DNAJC1: variants seen among roughly 807,000 people sequenced by gnomAD.
DNAJC1 encodes the protein dnaJ homolog subfamily C member 1.
In DNAJC1, 58 loss-of-function variants were observed where a neutral mutation model predicts 76.6. That is an observed-to-expected ratio of 0.76 (90% CI 0.61 to 0.94). The LOEUF (loss-of-function observed/expected upper bound fraction) is 0.94, where lower values mean the gene tolerates loss of function less well. Ranked by LOEUF, DNAJC1 falls within the 40% of genes least tolerant of loss-of-function variation. DNAJC1 has a pLI of 0.00. For synonymous variants in DNAJC1, 258 were observed against 267.9 expected (o/e 0.96, Z 0.36); for missense variants, 689 against 677.3 (o/e 1.02, Z -0.19).
At chr10:21,964,897 A>C (rs950868856) in intron 1 of DNAJC1, among the ~76,000 whole-genome samples, 2 of 151,980 alleles carry the variant, frequency 1.3e-5, no homozygotes, top group Admixed American at 6.6e-5. Context: ...ATCAATCTAT[A>C]ATTTCTTTGT....
At chr10:21,830,005 T>C (rs771957938) in intron 8 of DNAJC1, among the ~76,000 whole-genome samples, 3 of 152,220 alleles carry the variant, frequency 2.0e-5, no homozygotes, top group East Asian at 1.9e-4. Flanking sequence ...TAAATCCATA[T>C]CTATCCCCCT....
At chr10:21,965,252 C>T (rs1564840098) in intron 1 of DNAJC1, among the ~76,000 whole-genome samples, 1 of 152,142 alleles carries the variant, frequency 6.6e-6, no homozygotes, top group African/African-American at 2.4e-5. Context: ...TGAGTCTAAT[C>T]TGCTGTCTAG....
At chr10:21,831,213 A>G (rs1337841150) in intron 8 of DNAJC1, among the ~76,000 whole-genome samples, 1 of 152,044 alleles carries the variant, frequency 6.6e-6, no homozygotes, top group Non-Finnish European at 1.5e-5. Flanking sequence ...GTGCCCAGAG[A>G]TTTCAATGGT....
At position 21,772,411 on chromosome 10, in the gene DNAJC1, G is replaced by C. The variant is rs1957526527; in HGVS notation, c.1099-6102C>G. 2.0e-5 allele frequency among the ~76,000 whole-genome samples: 3 copies of C among 150,190 alleles called. No individual in the cohort carries two copies. The South Asian group carries it at 6.3e-4, about 32-fold the overall frequency. On this transcript the variant is annotated intron_variant, in intron 9 of 11. Coordinates refer to ENST00000376980, the MANE Select transcript of DNAJC1 (RefSeq NM_022365.4). Reference sequence around the variant, plus strand: ...AATTCAACCTTTTTACTAATTATAAGTCTATCTATTAAAATGGTCTGTTTC... The same window carrying C: ...AATTCAACCTTTTTACTAATTATAACTCTATCTATTAAAATGGTCTGTTTC...
chr10:21,879,094 A>G (rs1008515404), intron 8 of DNAJC1, among the ~76,000 whole-genome samples: 2 of 152,218 alleles, frequency 1.3e-5, no homozygotes, highest in African/African-American at 4.8e-5. Flanking sequence ...GAATGTCATC[A>G]TCTTTGTGGA....
chr10:21,897,938 C>A (rs549004663), intron 7 of DNAJC1, among the ~76,000 whole-genome samples: 1 of 152,176 alleles, frequency 6.6e-6, no homozygotes, highest in Non-Finnish European at 1.5e-5. Flanking sequence ...TCTGTCCCCA[C>A]GGTCAGATGA....
intron 8 of DNAJC1, among the ~76,000 whole-genome samples, chr10:21,817,965 C>T (rs370004554): frequency 6.6e-6 from 1 of 152,090 alleles, no homozygotes; most frequent in African/African-American, 2.4e-5. Flanking sequence ...GTTAACTGCA[C>T]AAATTGTTTG....
intron 1 of DNAJC1, among the ~76,000 whole-genome samples, chr10:21,961,004 G>A (rs1332151479): frequency 6.6e-6 from 1 of 152,110 alleles, no homozygotes; most frequent in Non-Finnish European, 1.5e-5. Flanking sequence ...TAGCCATTAA[G>A]GAAATGCAAA....
chr10:21,929,300 C>T (rs2131780374), intron 1 of DNAJC1, among the ~76,000 whole-genome samples, 159 bp from the exon 2 acceptor site: 1 of 152,168 alleles, frequency 6.6e-6, no homozygotes, highest in East Asian at 1.9e-4. Context: ...ATGCAACAAG[C>T]CTGACCCACA....
chr10:21,974,445 GCACAGCACAAAATTTATGATTAAGATA>G (rs1396662375), intron 1 of DNAJC1, among the ~76,000 whole-genome samples: 4 of 152,148 alleles, frequency 2.6e-5, no homozygotes, highest in African/African-American at 7.2e-5. Flanking sequence ...CGATTAAGAT[GCACAGCACAAAATTTATGATTAAGATA>G]CACAGCACAA....
chr10:21,758,884 G>A (rs1001767163), intron 11 of DNAJC1, among the ~76,000 whole-genome samples: 4 of 152,188 alleles, frequency 2.6e-5, no homozygotes, highest in South Asian at 2.1e-4. Context: ...CGGAGTGGGC[G>A]AGTTCTCAAA....
intron 1 of DNAJC1, among the ~76,000 whole-genome samples, chr10:21,986,345 T>A (rs962490251): frequency 6.6e-6 from 1 of 152,260 alleles, no homozygotes; most frequent in Admixed American, 6.5e-5. Flanking sequence ...ATTACAGCTA[T>A]GCTAGTGGGC....
At chr10:21,836,916 C>T (rs1036813667) in intron 8 of DNAJC1, among the ~76,000 whole-genome samples, 3 of 152,126 alleles carry the variant, frequency 2.0e-5, no homozygotes, top group Non-Finnish European at 2.9e-5. Flanking sequence ...CGTCTCTCCA[C>T]GGTCTTCCTC....
intron 1 of DNAJC1, among the ~76,000 whole-genome samples, chr10:21,995,484 A>G (rs1489772200): frequency 1.3e-5 from 2 of 152,196 alleles, no homozygotes; most frequent in Non-Finnish European, 1.5e-5. Context: ...ATTTGCTCTT[A>G]GTGGCATCTT....
rs563139912 is a variant in DNAJC1, at chr10:21,920,903, C to T, written c.432G>A (p.Arg144=). 48 of 1,612,888 alleles carry T rather than the reference C, an allele frequency of 3.0e-5. No individual in the cohort carries two copies. In the African/African-American group the frequency reaches 6.0e-4, roughly 20 times the overall value. Residue 144 remains arginine (R), a synonymous_variant, in exon 4 of 12, where the codon AGG becomes AGA. Transcript: ENST00000376980. ...PDWRQPVFYY[R]RVRKMSNAEL... Reference sequence around the variant, plus strand: ...CAGCATTGCTCATTTTTCTCACCCGCCTGTAGTAGAATACAGGCTGTCGCC... The same window carrying T: ...CAGCATTGCTCATTTTTCTCACCCGTCTGTAGTAGAATACAGGCTGTCGCC...
At chr10:21,964,892 T>C (rs528438638) in intron 1 of DNAJC1, among the ~76,000 whole-genome samples, 34 of 152,284 alleles carry the variant, frequency 2.2e-4, no homozygotes, top group African/African-American at 7.9e-4. Flanking sequence ...AAGTCATCAA[T>C]CTATAATTTC....
At chr10:21,774,418 T>C (rs1284875090) in intron 9 of DNAJC1, among the ~76,000 whole-genome samples, 1 of 152,170 alleles carries the variant, frequency 6.6e-6, no homozygotes, top group East Asian at 1.9e-4. Context: ...CTCTAACATC[T>C]TAAAGTCATG....
chr10:21,891,068 T>G (rs1441364553), intron 7 of DNAJC1, among the ~76,000 whole-genome samples: 3 of 152,034 alleles, frequency 2.0e-5, no homozygotes, highest in African/African-American at 7.2e-5. Flanking sequence ...TGCATGCCTG[T>G]AATCCCAGCT....
chr10:21,837,806 GC>G (rs1431017607), intron 8 of DNAJC1, among the ~76,000 whole-genome samples: 4 of 137,588 alleles, frequency 2.9e-5, no homozygotes, highest in Non-Finnish European at 4.8e-5. Flanking sequence ...CCGGCCAGCC[GC>G]CCCGTCCGGG....
Sources: gnomAD v4.1 joint callset for allele counts (sites outside exome capture counted in the v4.1 genomes callset) on GRCh38, gnomAD v4.1.1 for gene constraint, MANE v1.5 for transcripts, NCBI Gene and HGNC (gene_info 2026-07-23, HGNC 2026-07-21) for gene names.